Variants in GRIN2B observed in about 807,000 individuals in gnomAD.
GRIN2B encodes glutamate receptor ionotropic, NMDA 2B.
In GRIN2B, 5 loss-of-function variants were observed where a neutral mutation model predicts 114.5. The ratio of observed to expected loss-of-function variants is 0.04; its 90% confidence interval spans 0.02 to 0.09. The LOEUF (loss-of-function observed/expected upper bound fraction) is 0.09, where lower values mean the gene tolerates loss of function less well. Ranked by LOEUF, GRIN2B falls within the 10% of genes least tolerant of loss-of-function variation. The pLI, the probability that GRIN2B is intolerant of heterozygous loss-of-function variation, is 1.00. For synonymous variants in GRIN2B, 787 were observed against 745.1 expected (o/e 1.06, Z -0.92); for missense variants, 1,108 against 1,943.5 (o/e 0.57, Z 8.08).
At position 13,749,755 on chromosome 12, in the gene GRIN2B, C is replaced by A. The variant is rs573834025; in HGVS notation, c.1010+3562G>T. Among the ~76,000 whole-genome samples, 83 of 152,258 alleles carry A rather than the reference C, an allele frequency of 5.5e-4. 1 individual carries two copies. The Middle Eastern group carries it at 0.01, about 19-fold the overall frequency. On this transcript the variant is annotated intron_variant, in intron 4 of 13. Transcript: ENST00000609686. Reference sequence around the variant, plus strand: ...AATTGATTCCACTGCTGCTTTTGAGCGTGCTGTGCCTGGTGATAAAACTGC... The same window carrying A: ...AATTGATTCCACTGCTGCTTTTGAGAGTGCTGTGCCTGGTGATAAAACTGC...
intron 3 of GRIN2B, among the ~76,000 whole-genome samples, chr12:13,858,732 C>T (rs540060671): frequency 2.2e-4 from 33 of 152,080 alleles, no homozygotes; most frequent in African/African-American, 7.7e-4. Context: ...TATTTTATTC[C>T]GTTATGTTTT....
intron 3 of GRIN2B, among the ~76,000 whole-genome samples, chr12:13,807,495 CAGTA>C (rs1212290396): frequency 1.5e-4 from 23 of 152,074 alleles, no homozygotes; most frequent in Non-Finnish European, 2.5e-4. Flanking sequence ...CTTCTAGTAC[CAGTA>C]AGTAAGCTTT....
At chr12:13,606,097 C>T (rs757386057) in intron 10 of GRIN2B, among the ~76,000 whole-genome samples, 11 of 152,156 alleles carry the variant, frequency 7.2e-5, no homozygotes, top group Non-Finnish European at 1.2e-4. Context: ...TCTGCCATAC[C>T]TCTGACAAGT....
intron 3 of GRIN2B, among the ~76,000 whole-genome samples, chr12:13,776,618 T>C (rs1474844664): frequency 3.3e-5 from 5 of 152,136 alleles, no homozygotes; most frequent in Non-Finnish European, 5.9e-5. Context: ...TTTCTTATCA[T>C]ATTTTAGGGA....
At chr12:13,973,913 T>G (rs1211256427) in intron 2 of GRIN2B, among the ~76,000 whole-genome samples, 1 of 152,194 alleles carries the variant, frequency 6.6e-6, no homozygotes, top group East Asian at 1.9e-4. Context: ...TGCTATAGTT[T>G]AATCAAGAGG....
intron 5 of GRIN2B, among the ~76,000 whole-genome samples, chr12:13,623,677 T>C (rs1949540169): frequency 2.0e-5 from 3 of 152,110 alleles, no homozygotes; most frequent in African/African-American, 4.8e-5. Flanking sequence ...CCTGGTGTAG[T>C]ATGATAGTAA....
chr12:13,605,377 C>G (rs117854903), intron 10 of GRIN2B, among the ~76,000 whole-genome samples: 3 of 151,886 alleles, frequency 2.0e-5, no homozygotes, highest in Non-Finnish European at 4.4e-5. Context: ...AAAAGCCTCC[C>G]GGGCAGATGC....
chr12:13,570,069 T>A, intron 11 of GRIN2B, 52 bp from the exon 12 acceptor site: 2 of 1,209,230 alleles, frequency 1.7e-6, no homozygotes, highest in Non-Finnish European at 2.5e-6. Context: ...AGAACAAAAC[T>A]ACCTGTGGGG....
At chr12:13,704,673 T>C (rs1267917221) in intron 4 of GRIN2B, among the ~76,000 whole-genome samples, 2 of 152,074 alleles carry the variant, frequency 1.3e-5, no homozygotes, top group East Asian at 3.9e-4. Flanking sequence ...TGTAATTCCA[T>C]GAGATTTCTT....
At chr12:13,794,056 A>T (rs1226633605) in intron 3 of GRIN2B, among the ~76,000 whole-genome samples, 1 of 150,014 alleles carries the variant, frequency 6.7e-6, no homozygotes, top group African/African-American at 2.4e-5. Flanking sequence ...AAAAAAAAAA[A>T]AAAAATACAA....
At chr12:13,968,550 C>T (rs1186152084) in intron 2 of GRIN2B, among the ~76,000 whole-genome samples, 1 of 152,180 alleles carries the variant, frequency 6.6e-6, no homozygotes, top group Non-Finnish European at 1.5e-5. Context: ...TCCTCAATTC[C>T]ACCTTGCTTC....
chr12:13,900,382 G>A (rs1866425375), intron 2 of GRIN2B, among the ~76,000 whole-genome samples: 1 of 151,942 alleles, frequency 6.6e-6, no homozygotes, highest in African/African-American at 2.4e-5. Context: ...GGCCAAGGCA[G>A]GAGAATCACT....
chr12:13,720,606 A>T (rs1950499363), intron 4 of GRIN2B, among the ~76,000 whole-genome samples: 1 of 152,032 alleles, frequency 6.6e-6, no homozygotes, highest in Admixed American at 6.6e-5. Context: ...AGTAAGCCTC[A>T]ATCTTATGGC....
intron 4 of GRIN2B, among the ~76,000 whole-genome samples, chr12:13,726,593 A>ATATATATTTATATATTAT (rs1862992671): frequency 6.8e-6 from 1 of 147,864 alleles, no homozygotes; most frequent in African/African-American, 2.5e-5. Flanking sequence ...ATAAATATAT[A>ATATATATTTATATATTAT]ACATTTACTC....
In GRIN2B at chr12:13,881,557, C is replaced by T. The variant is rs112190338; in HGVS notation, c.-18-15331G>A. 1.7e-3 allele frequency among the ~76,000 whole-genome samples: 254 copies of T among 152,332 alleles called. 1 individual carries two copies. Among genetic ancestry groups the T allele is most frequent in the African/African-American group, 5.9e-3 (245 of 41,570 alleles). On this transcript the variant is annotated intron_variant, in intron 2 of 13. Coordinates refer to ENST00000609686, the MANE Select transcript of GRIN2B (RefSeq NM_000834.5). ...CCATCTGCCTAGTTGCCTGGCCTCA[C>T]TGCAAGGTTGACCCATCTAAAACAT... is the stretch of plus-strand genomic sequence containing the variant.
chr12:13,895,891 T>C (rs1192736946), intron 2 of GRIN2B, among the ~76,000 whole-genome samples: 1 of 152,162 alleles, frequency 6.6e-6, no homozygotes, highest in Non-Finnish European at 1.5e-5. Context: ...ATCATGGTAC[T>C]ATGGTATGTG....
At chr12:13,570,092 A>C in intron 11 of GRIN2B, 75 bp from the exon 12 acceptor site, 1 of 997,970 alleles carries the variant, frequency 1.0e-6, no homozygotes, top group South Asian at 1.3e-5. Context: ...ATTAATATGA[A>C]GCAGTAGGGT....
chr12:13,681,916 A>G lies in GRIN2B; in HGVS notation c.1011-6057T>C, dbSNP rs564211094. Among the ~76,000 whole-genome samples, 10 of 152,292 alleles carry G rather than the reference A, an allele frequency of 6.6e-5. No homozygotes were observed. In the East Asian group the frequency reaches 1.7e-3, roughly 26 times the overall value. The stretch of plus-strand genomic sequence containing the variant: ...AAACACAATTCTTTTGAAAGACTAG[A>G]GTTTCTTTTTAGAAATTATGATTAT... On this transcript the variant is annotated intron_variant, in intron 4 of 13. Transcript: ENST00000609686.
At chr12:13,947,285 C>T (rs965538030) in intron 2 of GRIN2B, among the ~76,000 whole-genome samples, 1 of 152,154 alleles carries the variant, frequency 6.6e-6, no homozygotes, top group East Asian at 1.9e-4. Context: ...TCACTGTCTA[C>T]AACACCATTG....
Sources: allele counts gnomAD v4.1 joint callset (sites outside exome capture counted in the v4.1 genomes callset), GRCh38; gene constraint gnomAD v4.1.1; transcripts MANE v1.5; gene names NCBI Gene and HGNC (gene_info 2026-07-23, HGNC 2026-07-21).